RBM17: variants seen among roughly 807,000 people sequenced by gnomAD.
The protein encoded by RBM17 is RNA binding motif protein 17.
RBM17 carries 7 observed loss-of-function variants against 53.2 expected under a neutral mutation model. That is an observed-to-expected ratio of 0.13 (90% CI 0.07 to 0.25). The LOEUF is 0.25. Ranked by LOEUF, RBM17 falls within the 10% of genes least tolerant of loss-of-function variation. The probability of loss-of-function intolerance (pLI) is 1.00; values close to 1 mark genes in which losing one functional copy is unlikely to be tolerated. For missense variants in RBM17, 257 were observed against 496.7 expected (o/e 0.52, Z 4.59); for synonymous variants, 167 against 178.1 (o/e 0.94, Z 0.50).
Position 6,101,251 on chromosome 10 carries a change from C to T in RBM17, c.124-20C>T. The T allele has an allele frequency of 1.3e-6, 2 of 1,511,968 alleles. No individual in the cohort carries two copies. Among genetic ancestry groups the T allele is most frequent in the Non-Finnish European group, 1.8e-6 (2 of 1,108,382 alleles). 93.7% of individuals were successfully genotyped at this position (1,511,968 alleles called of 1,614,324 possible). A position where few individuals can be genotyped will look rare whatever the true frequency, so the allele number is the denominator to read the frequency against. ...TAATTTGAAACTTCAGTATGTTTTC[C>T]TTGTTTTTGATGATTTTAGAGCCAA... is the stretch of plus-strand genomic sequence containing the variant. On this transcript the variant is annotated intron_variant, in intron 2 of 11. Coordinates refer to ENST00000379888, the MANE Select transcript of RBM17 (RefSeq NM_032905.5).
chr10:6,113,628 G>C (rs1435314418), intron 9 of RBM17, 47 bp downstream of exon 9: 1 of 1,273,648 alleles, frequency 7.9e-7, no homozygotes. Context: ...AGATTTGTGT[G>C]TGTCACCCCA....
At chr10:6,111,122 G>A (rs992731563) in intron 7 of RBM17, among the ~76,000 whole-genome samples, 5 of 152,222 alleles carry the variant, frequency 3.3e-5, no homozygotes, top group African/African-American at 9.6e-5. Flanking sequence ...AAATGAAAAT[G>A]TTAAGGGAAT....
At chr10:6,110,474 C>A (rs971697428) in intron 7 of RBM17, among the ~76,000 whole-genome samples, 2 of 152,202 alleles carry the variant, frequency 1.3e-5, no homozygotes, top group East Asian at 1.9e-4. Context: ...GCAGGTGATA[C>A]CTTTTTTTTC....
chr10:6,107,459 T>C (rs1840769285), intron 5 of RBM17, among the ~76,000 whole-genome samples: 1 of 138,272 alleles, frequency 7.2e-6, no homozygotes, highest in Non-Finnish European at 1.5e-5. Context: ...ATTACAGGTA[T>C]GAGCCACTGC....
intron 1 of RBM17, among the ~76,000 whole-genome samples, chr10:6,094,912 A>G (rs1292031389): frequency 6.6e-6 from 1 of 152,192 alleles, no homozygotes; most frequent in Admixed American, 6.5e-5. Context: ...TGGGTTGGAT[A>G]TTGATCTTAG....
At chr10:6,099,111 T>C (rs1423339050) in intron 2 of RBM17, among the ~76,000 whole-genome samples, 1 of 152,146 alleles carries the variant, frequency 6.6e-6, no homozygotes, top group Non-Finnish European at 1.5e-5. Flanking sequence ...AAAGTACATT[T>C]ATAAAATCTT....
At chr10:6,096,550 C>T (rs568228547) in intron 1 of RBM17, among the ~76,000 whole-genome samples, 1 of 152,280 alleles carries the variant, frequency 6.6e-6, no homozygotes, top group Non-Finnish European at 1.5e-5. Context: ...CTACTCCCCC[C>T]TTGATAATTG....
At position 6,117,286 on chromosome 10, in the gene RBM17, CAGTT is replaced by C. The variant is rs1187770593; in HGVS notation, c.*1734_*1737del. The C allele has an allele frequency of 6.6e-6, 1 of 152,300 alleles. No homozygotes were observed. Among genetic ancestry groups the C allele is most frequent in the African/African-American group, 2.4e-5 (1 of 41,524 alleles). The allele number at this position is 152,300 out of a possible 1,614,324, so 9.4% of individuals were successfully genotyped here. On this transcript the variant is annotated 3_prime_UTR_variant, in exon 12 of 12. Coordinates refer to ENST00000379888, the MANE Select transcript of RBM17 (RefSeq NM_032905.5). ...TTATTTTTAAAATAACTGTGTTAAT[CAGTT>C]AGTGCTTTATTTATAATGAATTTCT...
At chr10:6,098,556 GTTTTTTGTT>G (rs1341087176) in intron 2 of RBM17, among the ~76,000 whole-genome samples, 2,667 of 87,712 alleles carry the variant, frequency 0.03, 400 homozygotes, top group Non-Finnish European at 0.04. Flanking sequence ...TAATACACAG[GTTTTTTGTT>G]TTTTTTTTTT....
At chr10:6,098,598 CGTA>C (rs1454309222) in intron 2 of RBM17, among the ~76,000 whole-genome samples, 9 of 71,364 alleles carry the variant, frequency 1.3e-4, no homozygotes, top group Admixed American at 1.2e-3. Context: ...TTTTTTGAGA[CGTA>C]GTCTCACTTT....
intron 1 of RBM17, among the ~76,000 whole-genome samples, chr10:6,093,202 CTT>C (rs1275984632): frequency 6.6e-6 from 1 of 152,122 alleles, no homozygotes; most frequent in East Asian, 1.9e-4. Context: ...AGTGCTGCCT[CTT>C]TGCCTATTTA....
intron 1 of RBM17, 43 bp from the exon 2 acceptor site, chr10:6,097,005 T>C (rs1840587117): frequency 3.2e-6 from 5 of 1,562,950 alleles, no homozygotes; most frequent in East Asian, 2.3e-5. Context: ...AAAGCCTTTA[T>C]TGAATTGTGC....
chr10:6,106,402 A>G, intron 5 of RBM17, 164 bp downstream of exon 5: 1 of 559,894 alleles, frequency 1.8e-6, no homozygotes, highest in Non-Finnish European at 3.2e-6. Context: ...GTTTTAATTT[A>G]TATTGGGTTT....
At chr10:6,095,954 A>G (rs1364495999) in intron 1 of RBM17, among the ~76,000 whole-genome samples, 1 of 152,194 alleles carries the variant, frequency 6.6e-6, no homozygotes, top group Non-Finnish European at 1.5e-5. Context: ...CTCCTGAGCC[A>G]CAGAACACAA....
rs1450412964 is a variant in RBM17 at position 6,114,111 on chromosome 10, A to C, written c.993A>C (p.Glu331Asp). ...DLEVETKEECEKYGKVGKCVI... is the reference protein window; with the variant it reads ...DLEVETKEECDKYGKVGKCVI... ...AAGTTGAAACCAAGGAAGAATGTGAAAAATATGGCAAAGTTGGAAAATGTG... is the reference window on the plus strand; with the variant it reads ...AAGTTGAAACCAAGGAAGAATGTGACAAATATGGCAAAGTTGGAAAATGTG... Residue 331 changes from glutamate to aspartate, a missense_variant, in exon 10 of 12, where the codon GAA becomes GAC. Glu to Asp is a conservative substitution (Grantham distance 45). Transcript: ENST00000379888. 1 of 1,612,728 alleles carries C rather than the reference A, an allele frequency of 6.2e-7. No individual in the cohort carries two copies. Among genetic ancestry groups the C allele is most frequent in the Admixed American group, 1.7e-5 (1 of 60,006 alleles).
chr10:6,090,764 T>G (rs1840469547), intron 1 of RBM17, among the ~76,000 whole-genome samples: 1 of 152,030 alleles, frequency 6.6e-6, no homozygotes, highest in South Asian at 2.1e-4. Flanking sequence ...GGACTGTGTT[T>G]GCAATACTAG....
intron 10 of RBM17, 42 bp from the exon 11 acceptor site, chr10:6,115,197 A>G: frequency 6.6e-7 from 1 of 1,508,124 alleles, no homozygotes; most frequent in South Asian, 1.2e-5. Flanking sequence ...ATTCAATGCA[A>G]TCTCAAATGC....
intron 3 of RBM17, among the ~76,000 whole-genome samples, chr10:6,103,152 C>T (rs1840694290): frequency 6.6e-6 from 1 of 152,102 alleles, no homozygotes; most frequent in Non-Finnish European, 1.5e-5. Context: ...CTTAGATTTT[C>T]TGAGGTGGCA....
Position 6,104,937 on chromosome 10 carries a change from G to C in RBM17, c.247G>C (p.Val83Leu), listed in dbSNP as rs769966706. Residue 83 changes from valine (V) to leucine (L), a missense_variant, in exon 4 of 12, where the codon GTT (valine) becomes CTT (leucine). Val to Leu is a conservative substitution (Grantham distance 32). Around this residue, in one of 6 missense-constraint regions of RBM17, gnomAD observed 127 missense variants for 217.2 expected, o/e 0.58. Coordinates refer to ENST00000379888, the MANE Select transcript of RBM17 (RefSeq NM_032905.5). ...PHVAAGLKDP[V>L]PSGFSAGEVL... ...CTGTTTTTACCTTCCTCAGGATCCT[G>C]TTCCCAGTGGGTTTTCTGCAGGGGA... The C allele has an allele frequency of 6.2e-7, 1 of 1,613,712 alleles. No homozygotes were observed. The highest frequency in any genetic ancestry group is 1.3e-5 in the African/African-American group (1 of 75,026).
Sources: allele counts gnomAD v4.1 joint callset (sites outside exome capture counted in the v4.1 genomes callset), GRCh38; gene constraint gnomAD v4.1.1; regional missense constraint gnomAD v4.1.1; transcripts MANE v1.5; gene names NCBI Gene and HGNC (gene_info 2026-07-23, HGNC 2026-07-21).